TMED5: variants seen among roughly 807,000 people sequenced by gnomAD.
TMED5 encodes transmembrane p24 trafficking protein 5, also known as transmembrane emp24 domain-containing protein 5.
TMED5 carries 27 observed loss-of-function variants against 23.0 expected under a neutral mutation model. The observed-to-expected ratio is 1.17, with a 90% CI of 0.86 to 1.62. The LOEUF is 1.62. Ranked by LOEUF, TMED5 falls within the 40% of genes most tolerant of loss-of-function variation. TMED5 has a pLI of 0.00. For missense variants in TMED5, 248 were observed against 273.7 expected, an observed-to-expected ratio of 0.91 and a Z score of 0.66; for synonymous variants, 97 against 100.8, an observed-to-expected ratio of 0.96 and a Z score of 0.23.
chr1:93,176,819 C>T (rs953959382), intron 1 of TMED5, among the ~76,000 whole-genome samples: 6 of 152,232 alleles, frequency 3.9e-5, no homozygotes, highest in Non-Finnish European at 5.9e-5. Flanking sequence ...GTGTGAGCCA[C>T]TGCACCTAGC....
rs1201270158 is a variant in TMED5 at position 93,150,848 on chromosome 1, A to T, written c.*3822T>A. On this transcript the variant is annotated 3_prime_UTR_variant, in exon 4 of 4. Coordinates refer to ENST00000370282, the MANE Select transcript of TMED5 (RefSeq NM_016040.5). The stretch of plus-strand genomic sequence containing the variant: ...GGGAGTTTATATCAGTTTGGGTAAC[A>T]GATTCTCATTGTTCATTTTACTGCT... 1 of 152,204 alleles carries T rather than the reference A, an allele frequency of 6.6e-6. No individual in the cohort carries two copies. The highest frequency in any genetic ancestry group is 1.5e-5 in the Non-Finnish European group (1 of 68,042). The allele number at this position is 152,204 out of a possible 1,614,324, so 9.4% of individuals were successfully genotyped here. A position where few individuals can be genotyped will look rare whatever the true frequency, so the allele number is the denominator to read the frequency against.
intron 3 of TMED5, among the ~76,000 whole-genome samples, chr1:93,155,706 C>G (rs1648050318): frequency 6.6e-6 from 1 of 152,028 alleles, no homozygotes; most frequent in Non-Finnish European, 1.5e-5. Context: ...CAGCCTTGAA[C>G]TGGGCTCAAA....
chr1:93,163,050 A>G (rs903634089), intron 1 of TMED5: 2 of 152,202 alleles, frequency 1.3e-5, no homozygotes, highest in African/African-American at 4.8e-5. Flanking sequence ...ACTGCACTCC[A>G]GCCTGGGCAA....
intron 1 of TMED5, among the ~76,000 whole-genome samples, chr1:93,167,863 C>G (rs1334496852): frequency 6.6e-6 from 1 of 152,128 alleles, no homozygotes; most frequent in African/African-American, 2.4e-5. Flanking sequence ...CAGTTTTTCC[C>G]CATTCAGAAG....
At chr1:93,178,610 AC>A (rs901761262) in intron 1 of TMED5, among the ~76,000 whole-genome samples, 4 of 152,028 alleles carry the variant, frequency 2.6e-5, no homozygotes, top group African/African-American at 4.8e-5. Flanking sequence ...ACCTCCATGC[AC>A]AATTCCTGGC....
intron 1 of TMED5, chr1:93,179,773 A>G (rs1173800870): frequency 2.4e-6 from 1 of 414,504 alleles, no homozygotes; most frequent in Non-Finnish European, 4.3e-6. Context: ...GGAAACAAAG[A>G]GAAAAGCCAG....
chr1:93,154,958 C>CACCCAGCCTCATTT, intron 3 of TMED5, 70 bp from the exon 4 acceptor site: 2 of 1,169,100 alleles, frequency 1.7e-6, no homozygotes, highest in Non-Finnish European at 2.4e-6. Context: ...AAAAATGAGG[C>CACCCAGCCTCATTT]TGGGTGCAGT....
At chr1:93,166,567 G>A (rs1648514532) in intron 1 of TMED5, among the ~76,000 whole-genome samples, 1 of 152,098 alleles carries the variant, frequency 6.6e-6, no homozygotes, top group South Asian at 2.1e-4. Context: ...GTCTTCTTTT[G>A]AGAAATGTCT....
chr1:93,170,254 C>G (rs930568538), intron 1 of TMED5, among the ~76,000 whole-genome samples: 6 of 152,180 alleles, frequency 3.9e-5, no homozygotes, highest in African/African-American at 1.4e-4. Context: ...CTCAGCTTGC[C>G]GGGAGGTGTG....
intron 1 of TMED5, among the ~76,000 whole-genome samples, chr1:93,163,454 C>T (rs959955894): frequency 1.3e-5 from 2 of 151,138 alleles, no homozygotes; most frequent in Admixed American, 1.3e-4. Flanking sequence ...AAATGATTCT[C>T]CCGCCTCAGT....
Position 93,178,366 on chromosome 1 carries a change from T to C in TMED5, c.189+1688A>G, listed in dbSNP as rs1277221272. On this transcript the variant is annotated intron_variant, in intron 1 of 3. Coordinates refer to ENST00000370282, the MANE Select transcript of TMED5 (RefSeq NM_016040.5). ...TTGTTCGCTTTTCTGAAATGCCCCT[T>C]GTTCCTGGCATTTTCGTCTCAATTA... is the stretch of plus-strand genomic sequence containing the variant. Among the ~76,000 whole-genome samples the C allele has an allele frequency of 3.3e-5, 5 of 152,330 alleles. No homozygotes were observed. In the South Asian group the frequency reaches 8.3e-4, roughly 25 times the overall value.
At position 93,156,191 on chromosome 1, in the gene TMED5, A is replaced by G. The variant is rs1002388847; in HGVS notation, c.471+109T>C. On this transcript the variant is annotated intron_variant, in intron 3 of 3. Coordinates refer to ENST00000370282, the MANE Select transcript of TMED5 (RefSeq NM_016040.5). The stretch of plus-strand genomic sequence containing the variant: ...TTTATGGCAAAAATAAAATATTAGA[A>G]ACAGATTTTCCTGGATAATGCAGAT... The G allele has an allele frequency of 5.0e-6, 6 of 1,206,442 alleles. No individual in the cohort carries two copies. In the East Asian group the frequency reaches 1.3e-4, roughly 25 times the overall value. The allele number at this position is 1,206,442 out of a possible 1,614,324, so 74.7% of individuals were successfully genotyped here.
At chr1:93,156,807 C>CAAAAAA (rs10572798) in intron 2 of TMED5, among the ~76,000 whole-genome samples, 3 of 90,478 alleles carry the variant, frequency 3.3e-5, no homozygotes, top group Middle Eastern at 6.1e-3. Flanking sequence ...GATCCTGTCT[C>CAAAAAA]AAAAAAAAAA....
At chr1:93,174,564 C>A (rs989509549) in intron 1 of TMED5, among the ~76,000 whole-genome samples, 4 of 152,078 alleles carry the variant, frequency 2.6e-5, no homozygotes, top group African/African-American at 4.8e-5. Context: ...ATTATTTTTG[C>A]ACCAACTTAG....
chr1:93,163,181 A>AT (rs1648348246), intron 1 of TMED5: 1 of 152,012 alleles, frequency 6.6e-6, no homozygotes, highest in South Asian at 2.1e-4. Context: ...AAAAACAAAA[A>AT]ATATATATAT....
intron 1 of TMED5, among the ~76,000 whole-genome samples, chr1:93,170,864 A>G (rs1457337242): frequency 6.6e-6 from 1 of 152,216 alleles, no homozygotes; most frequent in African/African-American, 2.4e-5. Flanking sequence ...TAAACACATC[A>G]ATCAGCACCC....
At chr1:93,165,732 T>C (rs910289156) in intron 1 of TMED5, among the ~76,000 whole-genome samples, 10 of 152,226 alleles carry the variant, frequency 6.6e-5, no homozygotes, top group Non-Finnish European at 1.5e-4. Context: ...TTAGTTATTT[T>C]AAAATGTACA....
chr1:93,156,376 T>C lies in TMED5; in HGVS notation c.395A>G (p.Gln132Arg), dbSNP rs1648074766. 1.2e-6 allele frequency: 2 copies of C among 1,613,908 alleles called. No individual in the cohort carries two copies. Among genetic ancestry groups the C allele is most frequent in the Non-Finnish European group, 1.7e-6 (2 of 1,179,838 alleles). ...FELILDNMGE[Q>R]AQEQEDWKKY... Reference sequence around the variant, plus strand: ...CTTCCAATCTTCTTGTTCTTGTGCCTGTTCTCCCATATTATCCAGGATTAA... The same window carrying C: ...CTTCCAATCTTCTTGTTCTTGTGCCCGTTCTCCCATATTATCCAGGATTAA... Residue 132 changes from glutamine (Q) to arginine (R), a missense_variant, in exon 3 of 4, where the codon CAG becomes CGG. Physicochemically the swap from Gln to Arg is conservative, Grantham distance 43. Transcript: ENST00000370282.
chr1:93,171,099 T>C (rs1291345597), intron 1 of TMED5, among the ~76,000 whole-genome samples: 1 of 152,210 alleles, frequency 6.6e-6, no homozygotes, highest in East Asian at 1.9e-4. Flanking sequence ...ACACTGCCTT[T>C]ATGAGCTGTA....
Sources: allele counts gnomAD v4.1 joint callset (sites outside exome capture counted in the v4.1 genomes callset), GRCh38; gene constraint gnomAD v4.1.1; transcripts MANE v1.5; gene names NCBI Gene and HGNC (gene_info 2026-07-23, HGNC 2026-07-21).